Variants in CHDH observed in about 807,000 individuals in gnomAD.
CHDH encodes choline dehydrogenase.
CHDH carries 43 observed loss-of-function variants against 56.9 expected under a neutral mutation model. That is an observed-to-expected ratio of 0.76 (90% CI 0.59 to 0.97). The LOEUF (loss-of-function observed/expected upper bound fraction) is 0.97. Among genes scored for constraint, CHDH ranks in the 50% least tolerant of loss-of-function variants. The pLI is 0.00. For synonymous variants in CHDH, 364 were observed against 348.5 expected (o/e 1.04, Z -0.50); for missense variants, 816 against 821.1 (o/e 0.99, Z 0.08).
At position 53,817,754 on chromosome 3, in the gene CHDH, G is replaced by T. The variant is rs1369725714; in HGVS notation, c.*23C>A. On this transcript the variant is annotated 3_prime_UTR_variant, in exon 9 of 9. Coordinates refer to ENST00000315251, the MANE Select transcript of CHDH (RefSeq NM_018397.5). ...CTTGGCTTATCAGGGGGCTTCCCTG[G>T]TCATCCTCCAGCAGCAACTGTCTTA... 3.8e-6 allele frequency: 6 copies of T among 1,561,922 alleles called. No individual in the cohort carries two copies. The highest frequency in any genetic ancestry group is 5.2e-6 in the Non-Finnish European group (6 of 1,154,288).
rs2095605890 is a variant in CHDH at position 53,812,683 on chromosome 3, G to C, written c.*5094C>G. 2 of 152,236 alleles carry C rather than the reference G, an allele frequency of 1.3e-5. No individual in the cohort carries two copies. Among genetic ancestry groups the C allele is most frequent in the African/African-American group, 4.8e-5 (2 of 41,460 alleles). 9.4% of individuals were successfully genotyped at this position (152,236 alleles called of 1,614,324 possible). ...CGGTTTTCTCTGTGGCCCACCCAGG[G>C]TGTTTTTTGCATCGCTGGTGCAGAA... On this transcript the variant is annotated 3_prime_UTR_variant, in exon 9 of 9. Coordinates refer to ENST00000315251, the MANE Select transcript of CHDH (RefSeq NM_018397.5).
intron 4 of CHDH, 72 bp downstream of exon 4, chr3:53,822,419 C>T: frequency 7.6e-6 from 11 of 1,442,396 alleles, no homozygotes; most frequent in Admixed American, 1.8e-5. Flanking sequence ...GTGACTCCTG[C>T]CCACTCTGAG....
chr3:53,818,899 G>T, intron 8 of CHDH, 39 bp downstream of exon 8: 1 of 1,282,034 alleles, frequency 7.8e-7, no homozygotes, highest in Non-Finnish European at 1.1e-6. Context: ...AAAGGCATTC[G>T]TTTGTTCAAG....
At chr3:53,836,676 G>A (rs1409873622) in intron 2 of CHDH, among the ~76,000 whole-genome samples, 1 of 152,224 alleles carries the variant, frequency 6.6e-6, no homozygotes, top group Non-Finnish European at 1.5e-5. Context: ...GGCTGGCGCT[G>A]CGTCATGCTG....
Position 53,818,204 on chromosome 3 carries a change from G to A in CHDH, c.1367-9C>T. On this transcript the variant is annotated splice_polypyrimidine_tract_variant and intron_variant, in intron 8 of 8. Coordinates refer to ENST00000315251, the MANE Select transcript of CHDH (RefSeq NM_018397.5). ...ATCCTCAATATCAGTTTCTGTCGAG[G>A]AGAAGAAACAGGTGAGGACCCCTCC... 6.3e-7 allele frequency: 1 copy of A among 1,589,336 alleles called. No homozygotes were observed. The highest frequency in any genetic ancestry group is 8.6e-7 in the Non-Finnish European group (1 of 1,169,174).
rs1324154801 is a variant in CHDH at position 53,817,009 on chromosome 3, C to CTAAT, written c.*764_*767dup. ...TACAGGTGTGTACCACCATGCCCAGCTAATTGTTTTCCAGAGACAAGGTCT... is the reference window on the plus strand; with the variant it reads ...TACAGGTGTGTACCACCATGCCCAGCTAATTAATTGTTTTCCAGAGACAAGGTCT... On this transcript the variant is annotated 3_prime_UTR_variant, in exon 9 of 9. Transcript: ENST00000315251. 6.6e-6 allele frequency: 1 copy of CTAAT among 152,254 alleles called. No homozygotes were observed. The highest frequency in any genetic ancestry group is 1.5e-5 in the Non-Finnish European group (1 of 68,174). The allele number at this position is 152,254 out of a possible 1,614,324, so 9.4% of individuals were successfully genotyped here. A position where few individuals can be genotyped will look rare whatever the true frequency, so the allele number is the denominator to read the frequency against.
intron 4 of CHDH, among the ~76,000 whole-genome samples, chr3:53,822,278 C>T (rs1034235555): frequency 1.4e-4 from 22 of 151,998 alleles, no homozygotes; most frequent in Non-Finnish European, 2.8e-4. Flanking sequence ...CACACAGGGG[C>T]ACTGACACCA....
intron 5 of CHDH, among the ~76,000 whole-genome samples, chr3:53,821,368 A>C (rs1231011141): frequency 6.6e-6 from 1 of 151,908 alleles, no homozygotes; most frequent in Non-Finnish European, 1.5e-5. Flanking sequence ...TGCCCGACCC[A>C]GTGGGGCTTC....
intron 2 of CHDH, among the ~76,000 whole-genome samples, chr3:53,840,254 C>T (rs1326443302): frequency 3.9e-5 from 6 of 152,126 alleles, no homozygotes; most frequent in African/African-American, 7.2e-5. Context: ...TTAAGGGTGG[C>T]TCACACCTGT....
At position 53,815,643 on chromosome 3, in the gene CHDH, A is replaced by G. The variant is rs2095614445; in HGVS notation, c.*2134T>C. ...TTTTAAAATACAGCCACCAGACTGA[A>G]CCCACCATGGTCTCAGACACTGACA... On this transcript the variant is annotated 3_prime_UTR_variant, in exon 9 of 9. Transcript: ENST00000315251. 1 of 152,222 alleles carries G rather than the reference A, an allele frequency of 6.6e-6. No homozygotes were observed. The highest frequency in any genetic ancestry group is 1.5e-5 in the Non-Finnish European group (1 of 68,046). The allele number at this position is 152,222 out of a possible 1,614,324, so 9.4% of individuals were successfully genotyped here.
At position 53,823,512 on chromosome 3, in the gene CHDH, T is replaced by C. The variant is rs1251789802; in HGVS notation, c.497A>G (p.Tyr166Cys). 1.9e-6 allele frequency: 3 copies of C among 1,542,020 alleles called. No individual in the cohort carries two copies. Among genetic ancestry groups the C allele is most frequent in the African/African-American group, 1.4e-5 (1 of 72,866 alleles). The change falls in exon 3 of 9, where the codon TAC becomes TGC. Residue 166 changes from tyrosine to cysteine, a missense_variant. Coordinates refer to ENST00000315251, the MANE Select transcript of CHDH (RefSeq NM_018397.5). The stretch of plus-strand genomic sequence containing the variant: ...CTCGTGGCCCTGCGCCTTGCGGAAG[T>C]AGGGCAGGCAGTGCGCGTAGTCCCA... ...RGWDYAHCLP[Y>C]FRKAQGHELG...
At chr3:53,826,245 C>T (rs7632578) in intron 2 of CHDH, among the ~76,000 whole-genome samples, 5,109 of 151,596 alleles carry the variant, frequency 0.034, 299 homozygotes, top group African/African-American at 0.12. Context: ...TAGAAACAGA[C>T]GATTACTTCC....
chr3:53,829,175 C>T lies in CHDH; in HGVS notation c.-59-5108G>A, dbSNP rs117690894. Among the ~76,000 whole-genome samples, 227 of 152,148 alleles carry T rather than the reference C, an allele frequency of 1.5e-3. 5 individuals are homozygous for T. In the East Asian group the frequency reaches 0.038, roughly 26 times the overall value. The stretch of plus-strand genomic sequence containing the variant: ...AAGGCTACAAACCGTATGAGTTCAA[C>T]GATATTACATCCTGAAAAAGGCAAA... On this transcript the variant is annotated intron_variant, in intron 2 of 8. Coordinates refer to ENST00000315251, the MANE Select transcript of CHDH (RefSeq NM_018397.5).
At chr3:53,829,861 G>A (rs1338952951) in intron 2 of CHDH, among the ~76,000 whole-genome samples, 3 of 152,162 alleles carry the variant, frequency 2.0e-5, no homozygotes, top group Non-Finnish European at 4.4e-5. Flanking sequence ...CATTATGTGA[G>A]CAATAAACCT....
chr3:53,839,290 G>A (rs985247450), intron 2 of CHDH, among the ~76,000 whole-genome samples: 3 of 152,286 alleles, frequency 2.0e-5, no homozygotes, highest in South Asian at 2.1e-4. Context: ...CACAAGAAAC[G>A]CAAAGGTCAG....
intron 5 of CHDH, 119 bp downstream of exon 5, chr3:53,821,528 G>T: frequency 1.1e-6 from 1 of 884,648 alleles, no homozygotes; most frequent in Non-Finnish European, 1.8e-6. Context: ...GGGACAATGT[G>T]ATAGTTCCAA....
At chr3:53,835,090 T>C (rs1698455666) in intron 2 of CHDH, among the ~76,000 whole-genome samples, 1 of 152,214 alleles carries the variant, frequency 6.6e-6, no homozygotes, top group South Asian at 2.1e-4. Context: ...TCAGCAATCC[T>C]GCTTACAGGA....
intron 1 of CHDH, among the ~76,000 whole-genome samples, chr3:53,842,347 T>C (rs1209752304): frequency 2.6e-5 from 4 of 152,136 alleles, no homozygotes; most frequent in Non-Finnish European, 5.9e-5. Flanking sequence ...TCAAAAAATA[T>C]ACCACCGATC....
chr3:53,827,530 G>A (rs1338826222), intron 2 of CHDH, among the ~76,000 whole-genome samples: 2 of 152,178 alleles, frequency 1.3e-5, no homozygotes, highest in African/African-American at 4.8e-5. Flanking sequence ...GTGTGGTGGT[G>A]CATACCTGTA....
Sources: gnomAD v4.1 joint callset for allele counts (sites outside exome capture counted in the v4.1 genomes callset) on GRCh38, gnomAD v4.1.1 for gene constraint, MANE v1.5 for transcripts, NCBI Gene and HGNC (gene_info 2026-07-23, HGNC 2026-07-21) for gene names.